Variants in ZC3HAV1L observed in about 807,000 individuals in gnomAD.
ZC3HAV1L encodes the protein zinc finger CCCH-type antiviral protein 1-like.
Under a neutral mutation model 28.2 loss-of-function variants are expected in ZC3HAV1L, and 23 were observed. The ratio of observed to expected loss-of-function variants is 0.82; its 90% CI spans 0.59 to 1.16. ZC3HAV1L has a LOEUF of 1.16. Ranked by LOEUF, ZC3HAV1L falls within the 50% of genes most tolerant of loss-of-function variation. The pLI is 0.00. For synonymous variants in ZC3HAV1L, 180 were observed against 163.4 expected, an observed-to-expected ratio of 1.10 and a Z score of -0.78; for missense variants, 376 against 387.7, an observed-to-expected ratio of 0.97 and a Z score of 0.25.
chr7:139,035,382 C>A (rs1015904610), intron 1 of ZC3HAV1L: 36 of 984,934 alleles, frequency 3.7e-5, no homozygotes, highest in Non-Finnish European at 4.2e-5. Flanking sequence ...CCGGCCGCGT[C>A]GCGCAGGATC....
downstream of ZC3HAV1L, among the ~76,000 whole-genome samples, chr7:139,024,093 G>A (rs929792736): frequency 1.7e-4 from 26 of 152,172 alleles, no homozygotes; most frequent in African/African-American, 6.3e-4. Context: ...CATTGAATTT[G>A]TAGAGTCTAC....
At chr7:139,022,382 A>G (rs1193820249), downstream of ZC3HAV1L, 1 of 433,708 alleles carries the variant, frequency 2.3e-6, no homozygotes, top group African/African-American at 2.1e-5. Flanking sequence ...TGTCTCTACT[A>G]AAAACCTAAA....
intron 2 of ZC3HAV1L, among the ~76,000 whole-genome samples, chr7:139,030,350 C>G (rs912682182): frequency 1.3e-5 from 2 of 152,126 alleles, no homozygotes; most frequent in African/African-American, 4.8e-5. Context: ...GAGGCTGAGG[C>G]AGAAGAATTA....
At chr7:139,031,125 G>T (rs746080575) in intron 2 of ZC3HAV1L, among the ~76,000 whole-genome samples, 17 of 152,178 alleles carry the variant, frequency 1.1e-4, no homozygotes, top group Non-Finnish European at 2.4e-4. Flanking sequence ...AAGCTTATCT[G>T]GAAAAGGAGA....
At chr7:139,035,189 T>C in intron 1 of ZC3HAV1L, 1 of 985,360 alleles carries the variant, frequency 1.0e-6, no homozygotes, top group Non-Finnish European at 1.2e-6. Context: ...TGAGACTGGC[T>C]CAGCGCTGTT....
intron 2 of ZC3HAV1L, among the ~76,000 whole-genome samples, chr7:139,032,035 G>C (rs1724938683): frequency 6.6e-6 from 1 of 152,012 alleles, no homozygotes; most frequent in African/African-American, 2.4e-5. Flanking sequence ...TGACCAGCCT[G>C]GGCAACATGG....
chr7:139,031,259 GC>G (rs1815523322), intron 2 of ZC3HAV1L, among the ~76,000 whole-genome samples: 6 of 152,144 alleles, frequency 3.9e-5, no homozygotes, highest in Admixed American at 2.6e-4. Context: ...ACCAGCCTAG[GC>G]AACACAGCAA....
intron 2 of ZC3HAV1L, among the ~76,000 whole-genome samples, chr7:139,031,123 C>T (rs548931784): frequency 6.6e-6 from 1 of 152,248 alleles, no homozygotes; most frequent in South Asian, 2.1e-4. Context: ...TAAAGCTTAT[C>T]TGGAAAAGGA....
At chr7:139,021,570 CAT>C (rs146589035), downstream of ZC3HAV1L, among the ~76,000 whole-genome samples, 677 of 152,124 alleles carry the variant, frequency 4.5e-3, 2 homozygotes, top group African/African-American at 0.016. Flanking sequence ...ATTAAAAGAA[CAT>C]ATACTATAAC....
intron 2 of ZC3HAV1L, among the ~76,000 whole-genome samples, chr7:139,030,399 T>C (rs1053919330): frequency 2.6e-5 from 4 of 151,898 alleles, no homozygotes; most frequent in Admixed American, 2.0e-4. Flanking sequence ...GAGCCAAGAT[T>C]GTGCCATTGC....
At chr7:139,031,609 A>G (rs1195045870) in intron 2 of ZC3HAV1L, among the ~76,000 whole-genome samples, 1 of 151,292 alleles carries the variant, frequency 6.6e-6, no homozygotes, top group Non-Finnish European at 1.5e-5. Flanking sequence ...CAAAAACAAA[A>G]AAAAGTATCT....
intron 2 of ZC3HAV1L, among the ~76,000 whole-genome samples, chr7:139,029,967 C>A (rs1347348237): frequency 1.3e-5 from 2 of 152,088 alleles, no homozygotes; most frequent in Admixed American, 6.6e-5. Flanking sequence ...GACCCTGAAA[C>A]CACGCATCAG....
chr7:139,035,391 T>A (rs1436531307), intron 1 of ZC3HAV1L: 8 of 930,634 alleles, frequency 8.6e-6, no homozygotes, highest in Non-Finnish European at 1.0e-5. Context: ...TCGCGCAGGA[T>A]CCGGGGGGGC....
intron 2 of ZC3HAV1L, among the ~76,000 whole-genome samples, chr7:139,032,528 G>T (rs986979331): frequency 2.3e-5 from 3 of 128,344 alleles, no homozygotes; most frequent in African/African-American, 8.8e-5. Flanking sequence ...GGAGGCTGAG[G>T]CAGAAGAATG....
intron 3 of ZC3HAV1L, among the ~76,000 whole-genome samples, chr7:139,027,232 C>T (rs1815382574): frequency 6.6e-6 from 1 of 152,224 alleles, no homozygotes; most frequent in Admixed American, 6.5e-5. Flanking sequence ...GAAAGCTTAG[C>T]AACTCCGCCT....
chr7:139,026,817 C>A lies in ZC3HAV1L; in HGVS notation c.777G>T (p.Ser259=). 1.2e-6 allele frequency: 2 copies of A among 1,612,916 alleles called. No individual in the cohort carries two copies. The change falls in exon 4 of 5, where the codon TCG becomes TCT. Residue 259 remains serine, a synonymous_variant. Transcript: ENST00000275766. Reference sequence around the variant, plus strand: ...TCTCAAGGCCTTGTGAATGCTCAGTCGAAGGTGATGAATTATCTACAAAGA... The same window carrying A: ...TCTCAAGGCCTTGTGAATGCTCAGTAGAAGGTGATGAATTATCTACAAAGA... ...MLENTDNSSP[S]TEHSQGLEKQ... is the part of the protein sequence containing the mutation.
chr7:139,022,447 G>A (rs1284370093), downstream of ZC3HAV1L: 2 of 408,934 alleles, frequency 4.9e-6, no homozygotes, highest in South Asian at 3.6e-5. Flanking sequence ...TAGGGAAGCT[G>A]AGGCAAGAGG....
intron 2 of ZC3HAV1L, among the ~76,000 whole-genome samples, chr7:139,032,009 A>C (rs1815548252): frequency 6.6e-6 from 1 of 152,100 alleles, no homozygotes; most frequent in Non-Finnish European, 1.5e-5. Context: ...CAGGAGATCG[A>C]GGTTGCAGTG....
intron 2 of ZC3HAV1L, among the ~76,000 whole-genome samples, chr7:139,030,432 G>A (rs1258606306): frequency 5.3e-5 from 8 of 152,146 alleles, no homozygotes; most frequent in South Asian, 4.1e-4. Context: ...GCAACACAGC[G>A]AGACTCCGTC....
Sources: allele counts gnomAD v4.1 joint callset (sites outside exome capture counted in the v4.1 genomes callset), GRCh38; gene constraint gnomAD v4.1.1; transcripts MANE v1.5; gene names NCBI Gene and HGNC (gene_info 2026-07-23, HGNC 2026-07-21).